BBS10: variants seen among roughly 807,000 people sequenced by gnomAD.
BBS10 encodes the protein BBSome complex assembly protein BBS10.
BBS10 carries 13 observed loss-of-function variants against 12.7 expected under a neutral mutation model. That is an observed-to-expected ratio of 1.03 (90% CI 0.67 to 1.63). BBS10 has a LOEUF of 1.63. Ranked by LOEUF, BBS10 falls within the 40% of genes most tolerant of loss-of-function variation. The pLI, the probability that BBS10 is intolerant of heterozygous loss-of-function variation, is 0.00. For synonymous variants in BBS10, 294 were observed against 304.8 expected (o/e 0.96, Z 0.37); for missense variants, 858 against 858.0 (o/e 1.00, Z 0.00).
At position 76,347,569 on chromosome 12, in the gene BBS10, T is replaced by C; in HGVS notation, c.416A>G (p.Gln139Arg). 6.2e-7 allele frequency: 1 copy of C among 1,613,818 alleles called. No homozygotes were observed. Among genetic ancestry groups the C allele is most frequent in the African/African-American group, 1.3e-5 (1 of 75,036 alleles). The change falls in exon 2 of 2, where the codon CAA (glutamine) becomes CGA (arginine). Residue 139 changes from glutamine to arginine, a missense_variant. Transcript: ENST00000650064. ...CTGGTCCATAATACCGTCTAATATT[T>C]GTGTCTGAAACGTTAGGAGAGCCTG... ...ISQALLTFQT[Q>R]ILDGIMDQYL...
Position 76,346,700 on chromosome 12 carries a change from C to A in BBS10, c.1285G>T (p.Asp429Tyr). The change falls in exon 2 of 2, where the codon GAT becomes TAT. Residue 429 changes from aspartate (D) to tyrosine (Y), a missense_variant. By Grantham distance (160) the Asp-to-Tyr change is radical. Coordinates refer to ENST00000650064, the MANE Select transcript of BBS10 (RefSeq NM_024685.4). ...KMLRQLFKDL[D>Y]LNYMTQTNDQ... ...TTGGTTTGTGTCATGTAATTTAGAT[C>A]AAGGTCTTTAAATAATTGCCGAAGC... is the stretch of plus-strand genomic sequence containing the variant. 2 of 1,614,088 alleles carry A rather than the reference C, an allele frequency of 1.2e-6. No individual in the cohort carries two copies. The highest frequency in any genetic ancestry group is 2.2e-5 in the South Asian group (2 of 91,070).
Position 76,346,806 on chromosome 12 carries a change from T to C in BBS10, c.1179A>G (p.Ile393Met), listed in dbSNP as rs1951762702. ...HLGLISTCAF[I>M]PHSIVLCGPV... is the part of the protein sequence containing the mutation. The stretch of plus-strand genomic sequence containing the variant: ...GTCCACAAAGAACTATAGAGTGTGG[T>C]ATAAATGCACATGTGCTTATCAAGC... The change falls in exon 2 of 2, where the codon ATA (isoleucine) becomes ATG (methionine). Residue 393 changes from isoleucine to methionine, a missense_variant. By Grantham distance (10) the Ile-to-Met change is conservative (BLOSUM62 1). Coordinates refer to ENST00000650064, the MANE Select transcript of BBS10 (RefSeq NM_024685.4). 1.9e-6 allele frequency: 3 copies of C among 1,614,178 alleles called. No homozygotes were observed. Among genetic ancestry groups the C allele is most frequent in the African/African-American group, 1.3e-5 (1 of 75,070 alleles).
chr12:76,345,162 G>GT lies in BBS10; in HGVS notation c.*650dup, dbSNP rs1951749289. On this transcript the variant is annotated 3_prime_UTR_variant, in exon 2 of 2. Transcript: ENST00000650064. ...TTAACAATGCACAGTTATATTTCAGGTAACATATATTCAAAGGTATATCAA... is the reference window on the plus strand; with the variant it reads ...TTAACAATGCACAGTTATATTTCAGGTTAACATATATTCAAAGGTATATCAA... 6.6e-6 allele frequency: 1 copy of GT among 152,030 alleles called. No individual in the cohort carries two copies. Among genetic ancestry groups the GT allele is most frequent in the African/African-American group, 2.4e-5 (1 of 41,382 alleles). 9.4% of individuals were successfully genotyped at this position (152,030 alleles called of 1,614,324 possible).
chr12:76,346,620 A>G lies in BBS10; in HGVS notation c.1365T>C (p.Tyr455=), dbSNP rs778731343. The change falls in exon 2 of 2, where the codon TAT becomes TAC. Residue 455 remains tyrosine (Y), a synonymous_variant. Transcript: ENST00000650064. ...AGCCATTACCAGGATCTGGTGCTTG[A>G]TAACTTTCTCCACTGTTCTTATAAA... The part of the protein sequence containing the change: ...LFIYKNSGES[Y]QAPDPGNGSI... 4.3e-6 allele frequency: 7 copies of G among 1,613,988 alleles called. No homozygotes were observed. The African/African-American group carries it at 8.0e-5, about 18-fold the overall frequency.
Position 76,344,882 on chromosome 12 carries a change from T to C in BBS10, c.*931A>G, listed in dbSNP as rs145169902. On this transcript the variant is annotated 3_prime_UTR_variant, in exon 2 of 2. Coordinates refer to ENST00000650064, the MANE Select transcript of BBS10 (RefSeq NM_024685.4). ...GATAAGATGCATCATATTATTTACA[T>C]TGACAAGTTTTTAAAATATGAACAT... 4 of 152,244 alleles carry C rather than the reference T, an allele frequency of 2.6e-5. No homozygotes were observed. The highest frequency in any genetic ancestry group is 5.9e-5 in the Non-Finnish European group (4 of 67,982). 9.4% of individuals were successfully genotyped at this position (152,244 alleles called of 1,614,324 possible).
rs1951764875 is a variant in BBS10, at chr12:76,347,053, G to A, written c.932C>T (p.Ser311Phe). The A allele has an allele frequency of 1.2e-6, 2 of 1,613,208 alleles. No homozygotes were observed. Among genetic ancestry groups the A allele is most frequent in the East Asian group, 2.2e-5 (1 of 44,870 alleles). Residue 311 changes from serine (S) to phenylalanine (F), a missense_variant, in exon 2 of 2, where the codon TCT (serine) becomes TTT (phenylalanine). Ser to Phe is a radical substitution (Grantham distance 155). Transcript: ENST00000650064. The part of the protein sequence containing the change: ...LHSQNVKLLI[S>F]SVKQPDLVSY... ...AACTAAATCTGGTTGTTTCACACTAGATATGAGCAATTTTACATTCTGACT... is the reference window on the plus strand; with the variant it reads ...AACTAAATCTGGTTGTTTCACACTAAATATGAGCAATTTTACATTCTGACT...
At position 76,346,292 on chromosome 12, in the gene BBS10, T is replaced by G; in HGVS notation, c.1693A>C (p.Thr565Pro). Residue 565 changes from threonine (T) to proline (P), a missense_variant, in exon 2 of 2, where the codon ACA becomes CCA. Physicochemically the swap from Thr to Pro is conservative, Grantham distance 38. Transcript: ENST00000650064. ...ATGCTTCCCTTTCTAGTAATATTTGTGACCTGTAAATTTTCGTAAGAAATT... is the reference window on the plus strand; with the variant it reads ...ATGCTTCCCTTTCTAGTAATATTTGGGACCTGTAAATTTTCGTAAGAAATT... ...IEISYENLQV[T>P]NITRKGSMLP... 1.2e-6 allele frequency: 2 copies of G among 1,613,798 alleles called. No individual in the cohort carries two copies. The highest frequency in any genetic ancestry group is 1.7e-6 in the Non-Finnish European group (2 of 1,179,888).
At position 76,348,401 on chromosome 12, in the gene BBS10, G is replaced by C. The variant is rs755157515; in HGVS notation, c.-43C>G. The C allele has an allele frequency of 1.9e-5, 30 of 1,544,906 alleles. No homozygotes were observed. Among genetic ancestry groups the C allele is most frequent in the Non-Finnish European group, 2.4e-5 (27 of 1,147,082 alleles). On this transcript the variant is annotated 5_prime_UTR_variant, in exon 1 of 2. Transcript: ENST00000650064. ...TTTTTGACCAGCTTGCAGAACACCC[G>C]GGCCGACCGAAAACAGGGGTGGGAA...
At position 76,347,692 on chromosome 12, in the gene BBS10, T is replaced by C. The variant is rs776992056; in HGVS notation, c.293A>G (p.His98Arg). The C allele has an allele frequency of 1.2e-6, 2 of 1,612,916 alleles. No homozygotes were observed. The highest frequency in any genetic ancestry group is 1.7e-6 in the Non-Finnish European group (2 of 1,179,948). The part of the protein sequence containing the change: ...IFLCHLLRGL[H>R]AITDREKDPL... ...ATCCTTTTCTCTGTCTGTGATTGCA[T>C]GAAGTCCTCTAAGCAAATGGCAAAG... Residue 98 changes from histidine to arginine, a missense_variant, in exon 2 of 2, where the codon CAT becomes CGT. Physicochemically the swap from His to Arg is conservative, Grantham distance 29. Transcript: ENST00000650064.
rs1488468781 is a variant in BBS10, at chr12:76,346,972, T to C, written c.1013A>G (p.Glu338Gly). Residue 338 changes from glutamate (E) to glycine (G), a missense_variant, in exon 2 of 2, where the codon GAA (glutamate) becomes GGA (glycine). Glu to Gly is a moderately conservative substitution (Grantham distance 98). Coordinates refer to ENST00000650064, the MANE Select transcript of BBS10 (RefSeq NM_024685.4). The stretch of plus-strand genomic sequence containing the variant: ...AATGATCCTCCGGATAAGAGAAACT[T>C]CTTCTGATGATAAACACTCAACCAC... ...ISVVECLSSE[E>G]VSLIRRIIGL... The C allele has an allele frequency of 1.2e-6, 2 of 1,610,932 alleles. No homozygotes were observed. The highest frequency in any genetic ancestry group is 1.7e-6 in the Non-Finnish European group (2 of 1,179,980).
In BBS10 at chr12:76,344,568, CATAA is replaced by C. The variant is rs886049838; in HGVS notation, c.*1241_*1244del. Reference sequence around the variant, plus strand: ...AGAAACAAAATAATGCATCATATAGCATAAATGTTTAAAAAATCAGAATTACATT... The same window carrying C: ...AGAAACAAAATAATGCATCATATAGCATGTTTAAAAAATCAGAATTACATT... On this transcript the variant is annotated 3_prime_UTR_variant, in exon 2 of 2. Coordinates refer to ENST00000650064, the MANE Select transcript of BBS10 (RefSeq NM_024685.4). 7.9e-5 allele frequency: 12 copies of C among 152,056 alleles called. No individual in the cohort carries two copies. The highest frequency in any genetic ancestry group is 1.3e-4 in the Non-Finnish European group (9 of 67,978). The allele number at this position is 152,056 out of a possible 1,614,324, so 9.4% of individuals were successfully genotyped here.
At chr12:76,347,892 T>A (rs1951775207) in intron 1 of BBS10, 105 bp from the exon 2 acceptor site, 1 of 1,275,884 alleles carries the variant, frequency 7.8e-7, no homozygotes, top group Non-Finnish European at 1.1e-6. Flanking sequence ...TATTGTTCCT[T>A]GGATACATCC....
rs1951779878 is a variant in BBS10 at position 76,348,380 on chromosome 12, T to C, written c.-22A>G. 13 of 1,557,380 alleles carry C rather than the reference T, an allele frequency of 8.3e-6. No individual in the cohort carries two copies. Among genetic ancestry groups the C allele is most frequent in the African/African-American group, 1.4e-5 (1 of 73,312 alleles). On this transcript the variant is annotated 5_prime_UTR_variant, in exon 1 of 2. Transcript: ENST00000650064. ...ACATATCTGGGCCGCTTCCCCTTTTTGACCAGCTTGCAGAACACCCGGGCC... is the reference window on the plus strand; with the variant it reads ...ACATATCTGGGCCGCTTCCCCTTTTCGACCAGCTTGCAGAACACCCGGGCC...
In BBS10 at chr12:76,345,498, A is replaced by T. The variant is rs915904077; in HGVS notation, c.*315T>A. The stretch of plus-strand genomic sequence containing the variant: ...AGGAGGGCTGGAGTGAAAAAGATAC[A>T]GGAGAGTAAAAAGGAGCTATAAAGA... On this transcript the variant is annotated 3_prime_UTR_variant, in exon 2 of 2. Transcript: ENST00000650064. 2 of 289,826 alleles carry T rather than the reference A, an allele frequency of 6.9e-6. No homozygotes were observed. The highest frequency in any genetic ancestry group is 4.2e-5 in the South Asian group (1 of 23,930). 18.0% of individuals were successfully genotyped at this position (289,826 alleles called of 1,614,324 possible). A position where few individuals can be genotyped will look rare whatever the true frequency, so the allele number is the denominator to read the frequency against.
chr12:76,345,623 C>A lies in BBS10; in HGVS notation c.*190G>T, dbSNP rs1226391234. On this transcript the variant is annotated 3_prime_UTR_variant, in exon 2 of 2. Coordinates refer to ENST00000650064, the MANE Select transcript of BBS10 (RefSeq NM_024685.4). ...ACTTAGCCAAATCTTGGCTTCCCCT[C>A]TAGATTTGTTCCATAAAGTAATTTA... 3.4e-6 allele frequency: 2 copies of A among 589,364 alleles called. No homozygotes were observed. The highest frequency in any genetic ancestry group is 6.0e-5 in the Admixed American group (2 of 33,528). The allele number at this position is 589,364 out of a possible 1,614,324, so 36.5% of individuals were successfully genotyped here.
rs371540031 is a variant in BBS10, at chr12:76,348,172, G to C, written c.187C>G (p.Pro63Ala). Residue 63 changes from proline (P) to alanine (A), a missense_variant, in exon 1 of 2, where the codon CCC (proline) becomes GCC (alanine). Physicochemically the swap from Pro to Ala is conservative, Grantham distance 27. Coordinates refer to ENST00000650064, the MANE Select transcript of BBS10 (RefSeq NM_024685.4). ...RLLEALHLEH[P>A]IARMIVDCVS... Reference sequence around the variant, plus strand: ...GTGGGACGCGGGTACCTGGCTATGGGATGCTCTAAGTGTAGCGCCTCCAGG... The same window carrying C: ...GTGGGACGCGGGTACCTGGCTATGGCATGCTCTAAGTGTAGCGCCTCCAGG... 81 of 1,610,350 alleles carry C rather than the reference G, an allele frequency of 5.0e-5. No homozygotes were observed. Among genetic ancestry groups the C allele is most frequent in the Non-Finnish European group, 6.5e-5 (76 of 1,177,292 alleles).
intron 1 of BBS10, 120 bp from the exon 2 acceptor site, chr12:76,347,907 T>C (rs1951775404): frequency 1.7e-6 from 2 of 1,201,760 alleles, no homozygotes; most frequent in South Asian, 1.4e-5. Context: ...ACATCCTTAG[T>C]TTTTTCCTTT....
Position 76,346,726 on chromosome 12 carries a change from A to G in BBS10, c.1259T>C (p.Met420Thr), listed in dbSNP as rs1951761823. 6.2e-7 allele frequency: 1 copy of G among 1,614,070 alleles called. No homozygotes were observed. Among genetic ancestry groups the G allele is most frequent in the African/African-American group, 1.3e-5 (1 of 74,936 alleles). Residue 420 changes from methionine (M) to threonine (T), a missense_variant, in exon 2 of 2, where the codon ATG becomes ACG. Transcript: ENST00000650064. ...AAGGTCTTTAAATAATTGCCGAAGC[A>G]TTTTAAGTGCTCCATGTAAAGCATC... ...HEDALHGALKMLRQLFKDLDL... is the reference protein window; with the variant it reads ...HEDALHGALKTLRQLFKDLDL...
At chr12:76,348,045 C>G (rs1267061155) in intron 1 of BBS10, 117 bp downstream of exon 1, 3 of 1,218,262 alleles carry the variant, frequency 2.5e-6, no homozygotes, top group Admixed American at 2.4e-5. Flanking sequence ...TCCGAGCATA[C>G]AGCGGTTTCA....
Sources: allele counts gnomAD v4.1 joint callset, GRCh38; gene constraint gnomAD v4.1.1; transcripts MANE v1.5; gene names NCBI Gene and HGNC (gene_info 2026-07-23, HGNC 2026-07-21).